The following IL23R variants were observed in gnomAD, a reference collection of about 807,000 sequenced individuals.
IL23R encodes the protein interleukin 23 receptor, also known as interleukin-23 receptor.
In IL23R, 34 loss-of-function variants were observed where a neutral mutation model predicts 56.9. That is an observed-to-expected ratio of 0.60 (90% CI 0.45 to 0.80). IL23R has a LOEUF of 0.80. IL23R is among the 30% of genes least tolerant of loss of function. The probability of loss-of-function intolerance (pLI) is 0.00; values close to 1 mark genes in which losing one functional copy is unlikely to be tolerated. For synonymous variants in IL23R, 230 were observed against 249.2 expected, an observed-to-expected ratio of 0.92 and a Z score of 0.73; for missense variants, 635 against 730.0, an observed-to-expected ratio of 0.87 and a Z score of 1.50.
chr1:67,157,146 A>G lies in IL23R; in HGVS notation c.-633-10946A>G, dbSNP rs544253238. Among the ~76,000 whole-genome samples, 9 of 152,206 alleles carry G rather than the reference A, an allele frequency of 5.9e-5. No individual in the cohort carries two copies. In the East Asian group the frequency reaches 7.7e-4, roughly 13 times the overall value. On this transcript the variant is annotated intron_variant, in intron 1 of 10. Transcript: ENST00000637002. ...CGCACCCACTGCATAACCAGTCCCAATGAGATGAACTGGGTACCTCAGTTG... is the reference window on the plus strand; with the variant it reads ...CGCACCCACTGCATAACCAGTCCCAGTGAGATGAACTGGGTACCTCAGTTG...
intron 1 of IL23R, among the ~76,000 whole-genome samples, chr1:67,141,726 C>T (rs1646639664): frequency 6.6e-6 from 1 of 152,158 alleles, no homozygotes. Flanking sequence ...CCACTGCACA[C>T]CAGCCTGGGT....
At chr1:67,211,639 AG>A (rs56212328) in intron 6 of IL23R, among the ~76,000 whole-genome samples, 90 of 152,048 alleles carry the variant, frequency 5.9e-4, no homozygotes, top group Non-Finnish European at 1.2e-3. Context: ...AAAAAAAAAA[AG>A]GATACCAAAT....
At chr1:67,260,559 C>T (rs1490014268), downstream of IL23R, among the ~76,000 whole-genome samples, 3 of 152,144 alleles carry the variant, frequency 2.0e-5, no homozygotes, top group East Asian at 5.8e-4. Flanking sequence ...TTCCTTATGG[C>T]CACAATCCAT....
intron 9 of IL23R, among the ~76,000 whole-genome samples, chr1:67,244,937 C>A (rs1429618617): frequency 1.3e-5 from 2 of 152,112 alleles, no homozygotes; most frequent in Non-Finnish European, 2.9e-5. Flanking sequence ...ATTCTTCCTA[C>A]CCATGAGCAT....
intron 2 of IL23R, 43 bp downstream of exon 2, chr1:67,168,233 A>G: frequency 7.8e-7 from 1 of 1,289,148 alleles, no homozygotes; most frequent in South Asian, 1.2e-5. Context: ...CATTCAACAA[A>G]TGGAATATTG....
upstream of IL23R, among the ~76,000 whole-genome samples, chr1:67,164,476 C>CA (rs893191971): frequency 3.3e-5 from 5 of 151,496 alleles, no homozygotes; most frequent in Admixed American, 1.3e-4. Flanking sequence ...CTACTAAATA[C>CA]AAAAAAAATT....
chr1:67,211,878 G>A (rs866067715), intron 6 of IL23R, among the ~76,000 whole-genome samples: 8 of 152,152 alleles, frequency 5.3e-5, no homozygotes, highest in South Asian at 4.1e-4. Flanking sequence ...GTGGCAAATA[G>A]AGTAGAAAGA....
rs139858085 is a variant in IL23R, at chr1:67,258,699, A to C, written c.1461A>C (p.Gln487His). The change falls in exon 11 of 11, where the codon CAA (glutamine) becomes CAC (histidine). Residue 487 changes from glutamine (Q) to histidine (H), a missense_variant. By Grantham distance (24) the Gln-to-His change is conservative (BLOSUM62 0). Transcript: ENST00000347310. Reference protein sequence around the residue: ...IPDLNTGYKPQISNFLPEGSH... With the variant: ...IPDLNTGYKPHISNFLPEGSH... ...ATCTCAACACTGGATATAAACCCCA[A>C]ATTTCAAATTTTCTGCCTGAGGGAA... The C allele has an allele frequency of 1.2e-4, 188 of 1,613,800 alleles. No homozygotes were observed. In the Middle Eastern group the frequency reaches 1.5e-3, roughly 13 times the overall value.
downstream of IL23R, among the ~76,000 whole-genome samples, chr1:67,262,141 T>G (rs1653219620): frequency 6.6e-6 from 1 of 152,144 alleles, no homozygotes; most frequent in African/African-American, 2.4e-5. Flanking sequence ...TCAAGAAGGA[T>G]TCATTGAACT....
At chr1:67,196,979 A>G (rs546864765) in intron 4 of IL23R, among the ~76,000 whole-genome samples, 280 of 152,320 alleles carry the variant, frequency 1.8e-3, no homozygotes, top group African/African-American at 6.5e-3. Context: ...ATCCAAATGA[A>G]GCTCCCAGTG....
At chr1:67,172,790 T>G (rs1445571341) in intron 3 of IL23R, among the ~76,000 whole-genome samples, 1 of 152,194 alleles carries the variant, frequency 6.6e-6, no homozygotes, top group Admixed American at 6.5e-5. Context: ...GGCTGGCCTG[T>G]GCCCTGCTTG....
chr1:67,254,705 C>T (rs889273704), intron 9 of IL23R, among the ~76,000 whole-genome samples: 4 of 152,098 alleles, frequency 2.6e-5, no homozygotes, highest in African/African-American at 7.2e-5. Flanking sequence ...AAGTCTGATC[C>T]GTTGCTAACA....
At chr1:67,234,145 T>C (rs1651301988) in intron 7 of IL23R, among the ~76,000 whole-genome samples, 1 of 152,216 alleles carries the variant, frequency 6.6e-6, no homozygotes, top group Non-Finnish European at 1.5e-5. Flanking sequence ...CAGTCAAAGA[T>C]GTTAAGTATA....
At chr1:67,164,669 A>AATAAAATAAT, upstream of IL23R, among the ~76,000 whole-genome samples, 3 of 151,748 alleles carry the variant, frequency 2.0e-5, no homozygotes, top group Non-Finnish European at 4.4e-5. Flanking sequence ...AATAAAATAA[A>AATAAAATAAT]ATAAAATAAA....
chr1:67,158,548 G>A (rs12029362), intron 1 of IL23R, among the ~76,000 whole-genome samples: 42,803 of 152,018 alleles, frequency 0.28, 6,467 homozygotes, highest in Admixed American at 0.41. Context: ...CTCACAGGTT[G>A]TTGCCATGAA....
chr1:67,222,159 C>T (rs1331345438), intron 7 of IL23R, among the ~76,000 whole-genome samples: 1 of 124,724 alleles, frequency 8.0e-6, no homozygotes, highest in South Asian at 2.5e-4. Context: ...CTCTTTTGCC[C>T]AGCCTGAGGT....
At chr1:67,212,467 G>A (rs765497193) in intron 6 of IL23R, among the ~76,000 whole-genome samples, 1 of 152,062 alleles carries the variant, frequency 6.6e-6, no homozygotes, top group Non-Finnish European at 1.5e-5. Flanking sequence ...ACTTCAAAGC[G>A]ACAGGAAAGC....
rs146987652 is a variant in IL23R, at chr1:67,147,725, G to A, written c.-634+8564G>A. On this transcript the variant is annotated intron_variant, in intron 1 of 10. Coordinates refer to the IL23R transcript ENST00000637002. ...CAAAAAAAAAATAAAAAGATTGTAGGGGCTAACTAGTTCTCTCGTACTGCT... is the reference window on the plus strand; with the variant it reads ...CAAAAAAAAAATAAAAAGATTGTAGAGGCTAACTAGTTCTCTCGTACTGCT... Among the ~76,000 whole-genome samples, 34 of 152,036 alleles carry A rather than the reference G, an allele frequency of 2.2e-4. No homozygotes were observed. The East Asian group carries it at 6.4e-3, about 28-fold the overall frequency.
At chr1:67,177,970 G>T (rs1217828306) in intron 3 of IL23R, among the ~76,000 whole-genome samples, 1 of 151,078 alleles carries the variant, frequency 6.6e-6, no homozygotes, top group Non-Finnish European at 1.5e-5. Context: ...CTGTTCCATT[G>T]GTCTATATAT....
Sources: gnomAD v4.1 joint callset for allele counts (sites outside exome capture counted in the v4.1 genomes callset) on GRCh38, gnomAD v4.1.1 for gene constraint, MANE v1.5 for transcripts, NCBI Gene and HGNC (gene_info 2026-07-23, HGNC 2026-07-21) for gene names.